Variants in ELMO1 observed in about 807,000 individuals in gnomAD.
ELMO1 encodes engulfment and cell motility protein 1.
A neutral mutation model predicts 98.9 loss-of-function variants in ELMO1; 26 were observed. That is an observed-to-expected ratio of 0.26 (90% CI 0.19 to 0.36). The LOEUF (loss-of-function observed/expected upper bound fraction) is 0.36. Ranked by LOEUF, ELMO1 falls within the 10% of genes least tolerant of loss-of-function variation. The pLI, the probability that ELMO1 is intolerant of heterozygous loss-of-function variation, is 1.00. For missense variants in ELMO1, 627 were observed against 935.2 expected (o/e 0.67, Z 4.30); for synonymous variants, 346 against 346.0 (o/e 1.00, Z 0.00).
chr7:36,870,329 G>A lies in ELMO1; in HGVS notation c.1905+64C>T, dbSNP rs1439966852. ...GAACACTGCTATAAAGGAGGGCTAG[G>A]CTGGCTGCAGTTGCCGACCGCACTG... On this transcript the variant is annotated intron_variant, in intron 20 of 21. Coordinates refer to ENST00000310758, the MANE Select transcript of ELMO1 (RefSeq NM_014800.11). The surrounding 1 kb of genome is among the most constrained non-coding windows in gnomAD (Gnocchi z 4.4). The A allele has an allele frequency of 3.4e-6, 5 of 1,454,626 alleles. No individual in the cohort carries two copies. In the African/African-American group the frequency reaches 7.0e-5, roughly 20 times the overall value. 90.1% of individuals were successfully genotyped at this position (1,454,626 alleles called of 1,614,324 possible).
intron 1 of ELMO1, among the ~76,000 whole-genome samples, chr7:37,401,934 A>C (rs1188420877): frequency 6.6e-6 from 1 of 152,232 alleles, no homozygotes; most frequent in Admixed American, 6.5e-5. Context: ...CTCACAGTTC[A>C]TTACAATTAG....
intron 16 of ELMO1, among the ~76,000 whole-genome samples, chr7:36,912,026 G>A (rs183709119): frequency 4.6e-4 from 70 of 152,276 alleles, no homozygotes; most frequent in Non-Finnish European, 8.1e-4. Flanking sequence ...GAGAATGTAC[G>A]TCAGCTAAAT....
Position 36,979,163 on chromosome 7 carries a change from C to T in ELMO1, c.1437+34136G>A, listed in dbSNP as rs139881767. Reference sequence around the variant, plus strand: ...CCTGAGGATTATTTAGGAGAATAATCTGAAAGTAGAGAGAAACTTCCATGG... The same window carrying T: ...CCTGAGGATTATTTAGGAGAATAATTTGAAAGTAGAGAGAAACTTCCATGG... On this transcript the variant is annotated intron_variant, in intron 16 of 21. Transcript: ENST00000310758. Among the ~76,000 whole-genome samples, 23 of 152,148 alleles carry T rather than the reference C, an allele frequency of 1.5e-4. No individual in the cohort carries two copies. In the East Asian group the frequency reaches 3.1e-3, roughly 20 times the overall value.
At chr7:37,382,444 G>A (rs949865531) in intron 1 of ELMO1, among the ~76,000 whole-genome samples, 18 of 152,192 alleles carry the variant, frequency 1.2e-4, no homozygotes, top group Non-Finnish European at 2.5e-4. Flanking sequence ...TTTGGCGTAA[G>A]AATTATTTTG....
intron 15 of ELMO1, among the ~76,000 whole-genome samples, chr7:37,026,543 G>C (rs931261897): frequency 6.6e-6 from 1 of 152,050 alleles, no homozygotes; most frequent in African/African-American, 2.4e-5. Flanking sequence ...CCTTAGCAAG[G>C]CATTCAACAC....
chr7:36,947,995 T>C (rs1584417531), intron 16 of ELMO1, among the ~76,000 whole-genome samples: 2 of 152,360 alleles, frequency 1.3e-5, no homozygotes, highest in East Asian at 1.9e-4. Flanking sequence ...TTGTCTATCA[T>C]AGACACAGTC....
intron 15 of ELMO1, among the ~76,000 whole-genome samples, chr7:37,055,108 C>T (rs1347898778): frequency 6.6e-6 from 1 of 152,204 alleles, no homozygotes; most frequent in Non-Finnish European, 1.5e-5. Context: ...GCGGTTGTGA[C>T]TCATCCTGCA....
chr7:37,195,370 C>A (rs1282908240), intron 13 of ELMO1, among the ~76,000 whole-genome samples: 2 of 152,236 alleles, frequency 1.3e-5, no homozygotes, highest in African/African-American at 2.4e-5. Context: ...TGAATCAACA[C>A]ATTAGTCTCT....
intron 7 of ELMO1, among the ~76,000 whole-genome samples, chr7:37,239,853 C>T (rs1029454304): frequency 3.3e-5 from 5 of 152,158 alleles, no homozygotes; most frequent in Non-Finnish European, 7.3e-5. Flanking sequence ...TTGGAGAGTA[C>T]TGAAAGCTGC....
chr7:37,158,856 T>C (rs1788987096), intron 13 of ELMO1, among the ~76,000 whole-genome samples: 1 of 152,210 alleles, frequency 6.6e-6, no homozygotes, highest in East Asian at 1.9e-4. Flanking sequence ...CATGCACATG[T>C]ATGTTTATTG....
chr7:37,194,059 A>G (rs1307580918), intron 13 of ELMO1, among the ~76,000 whole-genome samples: 1 of 152,178 alleles, frequency 6.6e-6, no homozygotes, highest in Non-Finnish European at 1.5e-5. Context: ...TGACACATGA[A>G]GACTGGAGTC....
At chr7:37,114,655 G>C (rs2129280275) in intron 14 of ELMO1, among the ~76,000 whole-genome samples, 1 of 152,034 alleles carries the variant, frequency 6.6e-6, no homozygotes, top group South Asian at 2.1e-4. Context: ...TTCAAGCAAT[G>C]GAGAAAAATA....
intron 15 of ELMO1, among the ~76,000 whole-genome samples, chr7:37,087,269 G>A (rs528124021): frequency 5.3e-5 from 8 of 152,146 alleles, no homozygotes; most frequent in East Asian, 1.9e-4. Flanking sequence ...TGTTTCTATC[G>A]ATGAACTCTA....
At chr7:37,431,680 C>T (rs900383792) in intron 1 of ELMO1, among the ~76,000 whole-genome samples, 3 of 152,258 alleles carry the variant, frequency 2.0e-5, no homozygotes, top group Admixed American at 6.5e-5. Context: ...CAGCCTTCCC[C>T]AAGAAGACCT....
chr7:36,916,990 T>C (rs1463724000), intron 16 of ELMO1, among the ~76,000 whole-genome samples: 1 of 152,228 alleles, frequency 6.6e-6, no homozygotes, highest in African/African-American at 2.4e-5. Context: ...TGAGATACTT[T>C]GCAAGAATTT....
intron 15 of ELMO1, among the ~76,000 whole-genome samples, chr7:37,018,281 C>A (rs950477779): frequency 1.3e-5 from 2 of 151,780 alleles, no homozygotes; most frequent in African/African-American, 4.8e-5. Flanking sequence ...CCTGTGCCAC[C>A]ACACCTGGCT....
intron 15 of ELMO1, among the ~76,000 whole-genome samples, chr7:37,077,085 C>A (rs1797623080): frequency 6.6e-6 from 1 of 152,212 alleles, no homozygotes; most frequent in Admixed American, 6.5e-5. Context: ...ACCCGTGCAG[C>A]CTCTCCAAGC....
At chr7:37,170,151 C>T (rs957909728) in intron 13 of ELMO1, among the ~76,000 whole-genome samples, 3 of 152,332 alleles carry the variant, frequency 2.0e-5, no homozygotes, top group East Asian at 1.9e-4. Context: ...GTGATCCACT[C>T]ACCTCGGCCT....
chr7:37,275,118 T>C (rs1441751567), intron 4 of ELMO1, among the ~76,000 whole-genome samples: 3 of 152,220 alleles, frequency 2.0e-5, no homozygotes, highest in Non-Finnish European at 4.4e-5. Context: ...TCTGTCTGCC[T>C]GACAAAGGTA....
Sources: allele counts gnomAD v4.1 joint callset (sites outside exome capture counted in the v4.1 genomes callset), GRCh38; gene constraint gnomAD v4.1.1; non-coding constraint Gnocchi (gnomAD v3.1); transcripts MANE v1.5; gene names NCBI Gene and HGNC (gene_info 2026-07-23, HGNC 2026-07-21).